Variants in SYTL2 observed in about 807,000 individuals in gnomAD.
SYTL2 encodes the protein synaptotagmin like 2.
In SYTL2, 165 loss-of-function variants were observed where a neutral mutation model predicts 198.7. The ratio of observed to expected loss-of-function variants is 0.83; its 90% confidence interval spans 0.73 to 0.94. The LOEUF (loss-of-function observed/expected upper bound fraction) is 0.94. SYTL2 is among the 40% of genes least tolerant of loss of function. The pLI, the probability that SYTL2 is intolerant of heterozygous loss-of-function variation, is 0.00. For missense variants in SYTL2, 2,835 were observed against 2,582.8 expected, an observed-to-expected ratio of 1.10 and a Z score of -2.12; for synonymous variants, 966 against 917.7, an observed-to-expected ratio of 1.05 and a Z score of -0.95.
the SYTL2 span, among the ~76,000 whole-genome samples, chr11:85,833,158 A>AAGGAAGGAAGGAAG: frequency 6.0e-5 from 5 of 82,818 alleles, no homozygotes; most frequent in Admixed American, 1.1e-4. Context: ...AAGGAAGGAA[A>AAGGAAGGAAGGAAG]GAAAGAAAGA....
At chr11:85,789,693 CATA>C (rs2092702859) in intron 1 of SYTL2, among the ~76,000 whole-genome samples, 1 of 151,892 alleles carries the variant, frequency 6.6e-6, no homozygotes, top group Admixed American at 6.6e-5. Context: ...GAGTGATGCA[CATA>C]ATATTATTCC....
chr11:85,723,891 A>T (rs1479765069), intron 8 of SYTL2, 141 bp downstream of exon 8: 1 of 430,866 alleles, frequency 2.3e-6, no homozygotes, highest in Non-Finnish European at 4.1e-6. Context: ...TAATTAAGAA[A>T]GTCTCAGGAA....
At position 85,726,574 on chromosome 11, in the gene SYTL2, T is replaced by C; in HGVS notation, c.2784A>G (p.Leu928=). Residue 928 remains leucine (L), a synonymous_variant, in exon 8 of 20, where the codon TTA becomes TTG. Coordinates refer to ENST00000359152, the MANE Select transcript of SYTL2 (RefSeq NM_206927.4). The part of the protein sequence containing the change: ...DSLPSRRNIT[L]PALQPPSNVG... ...CATTTGAGGGAGGTTGCAGTGCTGG[T>C]AAAGTAATGTTTCTTCTAGAAGGCA... 1 of 1,582,796 alleles carries C rather than the reference T, an allele frequency of 6.3e-7. No homozygotes were observed. Among genetic ancestry groups the C allele is most frequent in the Non-Finnish European group, 8.5e-7 (1 of 1,169,886 alleles).
At chr11:85,852,380 GGTCTCCCTCTCCCTCTCTATCCACA>G in the SYTL2 span, among the ~76,000 whole-genome samples, 9 of 151,608 alleles carry the variant, frequency 5.9e-5, no homozygotes, top group Admixed American at 1.3e-4. Context: ...CTCTCCCCAC[GGTCTCCCTCTCCCTCTCTATCCACA>G]GTCTCCCTCT....
upstream of SYTL2, among the ~76,000 whole-genome samples, chr11:85,812,943 C>T (rs2093054248): frequency 1.3e-5 from 2 of 152,190 alleles, no homozygotes; most frequent in African/African-American, 4.8e-5. Context: ...TATCCCCTTC[C>T]TGCCCCTCTC....
chr11:85,762,933 G>A (rs2092138577), intron 1 of SYTL2, among the ~76,000 whole-genome samples: 1 of 151,390 alleles, frequency 6.6e-6, no homozygotes, highest in African/African-American at 2.4e-5. Context: ...GCATCTACTA[G>A]GCACTCAAGT....
chr11:85,726,057 G>C lies in SYTL2; in HGVS notation c.3301C>G (p.Pro1101Ala). The C allele has an allele frequency of 6.2e-7, 1 of 1,613,020 alleles. No individual in the cohort carries two copies. The highest frequency in any genetic ancestry group is 8.5e-7 in the Non-Finnish European group (1 of 1,179,568). ...VEKNTEGIVT[P>A]VFKEEKDYSE... Reference sequence around the variant, plus strand: ...TAATCCTTTTCTTCCTTAAACACTGGAGTAACAATCCCTTCCGTATTCTTT... The same window carrying C: ...TAATCCTTTTCTTCCTTAAACACTGCAGTAACAATCCCTTCCGTATTCTTT... The change falls in exon 8 of 20, where the codon CCA becomes GCA. Residue 1101 changes from proline to alanine, a missense_variant. Physicochemically the swap from Pro to Ala is conservative, Grantham distance 27. Around this residue, in one of 3 missense-constraint regions of SYTL2, gnomAD observed 2,645 missense variants for 2,381.7 expected, o/e 1.11. Transcript: ENST00000359152.
intron 3 of SYTL2, among the ~76,000 whole-genome samples, chr11:85,747,323 T>A (rs1181840671): frequency 6.6e-6 from 1 of 151,256 alleles, no homozygotes; most frequent in Non-Finnish European, 1.5e-5. Flanking sequence ...AATAATGCCA[T>A]GATATAAGGA....
At chr11:85,721,609 G>A (rs1299545493) in intron 8 of SYTL2, among the ~76,000 whole-genome samples, 1 of 152,096 alleles carries the variant, frequency 6.6e-6, no homozygotes, top group Non-Finnish European at 1.5e-5. Flanking sequence ...CTTAAGTACT[G>A]ACATTTATTA....
intron 1 of SYTL2, among the ~76,000 whole-genome samples, chr11:85,771,236 GT>G (rs2092349434): frequency 6.6e-6 from 1 of 152,220 alleles, no homozygotes; most frequent in South Asian, 2.1e-4. Context: ...TCTAAGGATG[GT>G]TTCACCTTTA....
intron 1 of SYTL2, among the ~76,000 whole-genome samples, chr11:85,778,905 G>A (rs147669374): frequency 2.5e-3 from 377 of 152,292 alleles, no homozygotes; most frequent in African/African-American, 8.2e-3. Flanking sequence ...TTGAGACTGG[G>A]AGGCAGAGGT....
chr11:85,822,808 A>T, the SYTL2 span, among the ~76,000 whole-genome samples: 1 of 152,258 alleles, frequency 6.6e-6, no homozygotes, highest in African/African-American at 2.4e-5. Context: ...GGACAAGCTG[A>T]CAGGGAGTAG....
intron 1 of SYTL2, among the ~76,000 whole-genome samples, chr11:85,779,113 G>A (rs2092512433): frequency 6.6e-6 from 1 of 151,876 alleles, no homozygotes; most frequent in Non-Finnish European, 1.5e-5. Context: ...TCAGTCATTT[G>A]CAACCAATTT....
In SYTL2 at chr11:85,727,610, A is replaced by C; in HGVS notation, c.1748T>G (p.Leu583Trp). 6.5e-7 allele frequency: 1 copy of C among 1,536,030 alleles called. No individual in the cohort carries two copies. The highest frequency in any genetic ancestry group is 8.7e-7 in the Non-Finnish European group (1 of 1,146,876). Residue 583 changes from leucine to tryptophan, a missense_variant, in exon 8 of 20, where the codon TTG becomes TGG. Transcript: ENST00000359152. Reference protein sequence around the residue: ...SKTLSPSKIELKPVRSDSPFQ... With the variant: ...SKTLSPSKIEWKPVRSDSPFQ... Reference sequence around the variant, plus strand: ...TGGTGAGTCAGATCTCACAGGCTTCAATTCAATTTTGCTGGGTGATAGGGT... The same window carrying C: ...TGGTGAGTCAGATCTCACAGGCTTCCATTCAATTTTGCTGGGTGATAGGGT...
intron 1 of SYTL2, among the ~76,000 whole-genome samples, chr11:85,761,062 G>A (rs2092082114): frequency 6.6e-6 from 1 of 152,046 alleles, no homozygotes; most frequent in African/African-American, 2.4e-5. Context: ...TGAGAGACTG[G>A]CACTATTCTA....
chr11:85,818,234 G>C, the SYTL2 span, among the ~76,000 whole-genome samples: 1 of 152,178 alleles, frequency 6.6e-6, no homozygotes, highest in East Asian at 1.9e-4. Context: ...ACACTTCAAG[G>C]ATGAAGTGCG....
At chr11:85,833,801 C>T in the SYTL2 span, among the ~76,000 whole-genome samples, 1 of 146,110 alleles carries the variant, frequency 6.8e-6, no homozygotes, top group Non-Finnish European at 1.5e-5. Flanking sequence ...TGTAGTGGTA[C>T]GATCGTGGCT....
At chr11:85,823,232 A>T in the SYTL2 span, among the ~76,000 whole-genome samples, 134 of 152,386 alleles carry the variant, frequency 8.8e-4, 1 homozygote, top group East Asian at 0.023. Flanking sequence ...TAGGCACTGG[A>T]TATATTTGTA....
At chr11:85,828,343 A>C in the SYTL2 span, among the ~76,000 whole-genome samples, 3 of 152,384 alleles carry the variant, frequency 2.0e-5, no homozygotes, top group African/African-American at 7.2e-5. Context: ...GTAGGCAGTA[A>C]ATGGTTAAGA....
Sources: allele counts gnomAD v4.1 joint callset (sites outside exome capture counted in the v4.1 genomes callset), GRCh38; gene constraint gnomAD v4.1.1; regional missense constraint gnomAD v4.1.1; transcripts MANE v1.5; gene names NCBI Gene and HGNC (gene_info 2026-07-23, HGNC 2026-07-21).